Variants in MYO5B observed in about 807,000 individuals in gnomAD.
MYO5B encodes unconventional myosin-Vb.
In MYO5B, 143 loss-of-function variants were observed where a neutral mutation model predicts 229.3. The ratio of observed to expected loss-of-function variants is 0.62; its 90% CI spans 0.54 to 0.72. The LOEUF (loss-of-function observed/expected upper bound fraction) is 0.72, where lower values mean the gene tolerates loss of function less well. Among genes scored for constraint, MYO5B ranks in the 30% least tolerant of loss-of-function variants. The pLI is 0.00. For missense variants in MYO5B, 2,321 were observed against 2,331.0 expected (o/e 1.00, Z 0.09); for synonymous variants, 918 against 885.2 (o/e 1.04, Z -0.66).
chr18:49,887,017 G>A (rs940987328), intron 22 of MYO5B, among the ~76,000 whole-genome samples: 3 of 152,158 alleles, frequency 2.0e-5, no homozygotes, highest in African/African-American at 4.8e-5. Flanking sequence ...GGGGCCTGGT[G>A]AGAGGTGACT....
intron 1 of MYO5B, among the ~76,000 whole-genome samples, chr18:50,094,392 T>TA (rs200662565): frequency 1.4e-4 from 21 of 151,504 alleles, no homozygotes; most frequent in South Asian, 4.2e-4. Context: ...AAATGTGGTT[T>TA]AAAAAAAAAT....
chr18:50,059,422 CAG>C lies in MYO5B; in HGVS notation c.28-4046_28-4045del, dbSNP rs1173947332. Among the ~76,000 whole-genome samples the C allele has an allele frequency of 2.6e-5, 4 of 152,116 alleles. 1 individual carries two copies. Among genetic ancestry groups the C allele is most frequent in the Non-Finnish European group, 5.9e-5 (4 of 68,022 alleles). On this transcript the variant is annotated intron_variant, in intron 1 of 39. Transcript: ENST00000285039. ...ATCTATCCAGTGGAGAGAAGGAAGACAGGGAGAGAGGGGAAAACAAGTTAATG... is the reference window on the plus strand; with the variant it reads ...ATCTATCCAGTGGAGAGAAGGAAGACGGAGAGAGGGGAAAACAAGTTAATG...
intron 3 of MYO5B, 77 bp from the exon 4 acceptor site, chr18:50,037,071 T>C: frequency 6.4e-7 from 1 of 1,550,864 alleles, no homozygotes; most frequent in South Asian, 1.1e-5. Flanking sequence ...ACCCATCCAT[T>C]CATACACATG....
Position 49,974,536 on chromosome 18 carries a change from C to T in MYO5B, c.1136G>A (p.Arg379His), listed in dbSNP as rs748541233. 3.7e-5 allele frequency: 59 copies of T among 1,614,032 alleles called. No homozygotes were observed. Among genetic ancestry groups the T allele is most frequent in the Middle Eastern group, 1.6e-4 (1 of 6,084 alleles). The change falls in exon 10 of 40, where the codon CGC (arginine) becomes CAC (histidine). Residue 379 changes from arginine to histidine, a missense_variant. By Grantham distance (29) the Arg-to-His change is conservative. Coordinates refer to ENST00000285039, the MANE Select transcript of MYO5B (RefSeq NM_001080467.3). ...HSQMEHWLCH[R>H]KLVTTSETYV... The stretch of plus-strand genomic sequence containing the variant: ...GGTCTCCGAGGTGGTGACCAGCTTG[C>T]GATGACACAGCCAGTGCTCCATCTG...
intron 10 of MYO5B, among the ~76,000 whole-genome samples, chr18:49,973,886 C>T (rs1025126421): frequency 2.0e-5 from 3 of 152,144 alleles, no homozygotes; most frequent in African/African-American, 7.2e-5. Flanking sequence ...TCTGCACAGC[C>T]CTGGACAAAA....
At chr18:50,141,264 G>A (rs879457533) in intron 1 of MYO5B, among the ~76,000 whole-genome samples, 6 of 152,174 alleles carry the variant, frequency 3.9e-5, no homozygotes, top group Non-Finnish European at 7.3e-5. Flanking sequence ...TCCATGGCAC[G>A]GACCTGATGA....
chr18:49,929,904 C>T (rs1180531951), intron 16 of MYO5B, among the ~76,000 whole-genome samples: 1 of 152,148 alleles, frequency 6.6e-6, no homozygotes. Flanking sequence ...CTCCAAGACT[C>T]ATCATTCCTG....
At chr18:49,963,073 A>T (rs1368137927) in intron 10 of MYO5B, 43 bp from the exon 11 acceptor site, 1 of 1,538,770 alleles carries the variant, frequency 6.5e-7, no homozygotes, top group African/African-American at 1.4e-5. Flanking sequence ...TCCTTTCAAC[A>T]AAGGAATCAC....
At chr18:49,932,780 G>C (rs1249742607) in intron 16 of MYO5B, among the ~76,000 whole-genome samples, 1 of 152,156 alleles carries the variant, frequency 6.6e-6, no homozygotes, top group African/African-American at 2.4e-5. Context: ...ATCCCAAGGG[G>C]ATATGGGAGG....
At chr18:50,066,315 T>C (rs2030818795) in intron 1 of MYO5B, among the ~76,000 whole-genome samples, 1 of 152,204 alleles carries the variant, frequency 6.6e-6, no homozygotes, top group South Asian at 2.1e-4. Flanking sequence ...AAACTGTCTT[T>C]GAAACTCTGC....
chr18:49,925,166 C>A (rs977214159), intron 17 of MYO5B, among the ~76,000 whole-genome samples: 14 of 152,220 alleles, frequency 9.2e-5, no homozygotes, highest in Non-Finnish European at 2.1e-4. Flanking sequence ...ATAATCTATT[C>A]TCTCTGAAGC....
intron 1 of MYO5B, among the ~76,000 whole-genome samples, chr18:50,066,951 A>G (rs1200301626): frequency 6.6e-6 from 1 of 152,118 alleles, no homozygotes; most frequent in Non-Finnish European, 1.5e-5. Flanking sequence ...CCAAATGAAC[A>G]TGTTTTAGAG....
chr18:50,010,590 C>T (rs571929171), intron 4 of MYO5B, among the ~76,000 whole-genome samples: 1 of 152,224 alleles, frequency 6.6e-6, no homozygotes, highest in Non-Finnish European at 1.5e-5. Flanking sequence ...TCTATATCAA[C>T]TGAAGTTTAT....
chr18:49,841,287 C>T, intron 35 of MYO5B, 78 bp downstream of exon 35: 1 of 1,369,604 alleles, frequency 7.3e-7, no homozygotes, highest in Non-Finnish European at 1.0e-6. Flanking sequence ...CCACTGACCT[C>T]TGAGGGTATA....
chr18:49,957,645 C>G (rs2025509632), intron 12 of MYO5B, among the ~76,000 whole-genome samples: 1 of 108,028 alleles, frequency 9.3e-6, no homozygotes, highest in African/African-American at 3.4e-5. Flanking sequence ...AAGACACTGT[C>G]TCAAAACAAA....
chr18:49,953,265 T>C lies in MYO5B; in HGVS notation c.1747A>G (p.Ser583Gly). Residue 583 changes from serine (S) to glycine (G), a missense_variant, in exon 14 of 40, where the codon AGC becomes GGC. By Grantham distance (56) the Ser-to-Gly change is moderately conservative (BLOSUM62 0). Coordinates refer to ENST00000285039, the MANE Select transcript of MYO5B (RefSeq NM_001080467.3). ...CCACTTCTGACACTCTTTACCTTGC[T>C]GGCCTTCAGGATATTGATCTGCTCT... is the stretch of plus-strand genomic sequence containing the variant. The part of the protein sequence containing the change: ...YEEQINILKA[S>G]KFPLVADLFH... The C allele has an allele frequency of 6.2e-7, 1 of 1,614,164 alleles. No homozygotes were observed. Among genetic ancestry groups the C allele is most frequent in the Non-Finnish European group, 8.5e-7 (1 of 1,179,990 alleles).
At chr18:50,061,981 A>G (rs1289901320) in intron 1 of MYO5B, among the ~76,000 whole-genome samples, 1 of 152,214 alleles carries the variant, frequency 6.6e-6, no homozygotes, top group African/African-American at 2.4e-5. Context: ...TGAGGGTTAA[A>G]AGTACTGAAC....
At chr18:50,187,809 GC>G (rs1223417924) in intron 1 of MYO5B, among the ~76,000 whole-genome samples, 3 of 152,278 alleles carry the variant, frequency 2.0e-5, no homozygotes, top group African/African-American at 7.2e-5. Flanking sequence ...GAGTGACTGT[GC>G]CTGGCTTGAC....
chr18:50,062,007 C>T (rs2030698418), intron 1 of MYO5B, among the ~76,000 whole-genome samples: 2 of 152,136 alleles, frequency 1.3e-5, no homozygotes, highest in East Asian at 1.9e-4. Context: ...GCCCAAGTTG[C>T]CAAGAGCTTA....
Sources: gnomAD v4.1 joint callset for allele counts (sites outside exome capture counted in the v4.1 genomes callset) on GRCh38, gnomAD v4.1.1 for gene constraint, MANE v1.5 for transcripts, NCBI Gene and HGNC (gene_info 2026-07-23, HGNC 2026-07-21) for gene names.